Variants in TRAPPC9 observed in about 807,000 individuals in gnomAD.
The protein encoded by TRAPPC9 is IKK2 binding protein.
Under a neutral mutation model 124.0 loss-of-function variants are expected in TRAPPC9, and 83 were observed. The observed-to-expected ratio is 0.67, with a 90% CI of 0.56 to 0.80. TRAPPC9 has a LOEUF of 0.80. Among genes scored for constraint, TRAPPC9 ranks in the 30% least tolerant of loss-of-function variants. The pLI, the probability that TRAPPC9 is intolerant of heterozygous loss-of-function variation, is 0.00. For missense variants in TRAPPC9, 1,302 were observed against 1,508.3 expected (o/e 0.86, Z 2.27); for synonymous variants, 638 against 617.5 (o/e 1.03, Z -0.49).
At chr8:139,901,512 C>G (rs1265780237) in intron 20 of TRAPPC9, among the ~76,000 whole-genome samples, 3 of 152,116 alleles carry the variant, frequency 2.0e-5, no homozygotes, top group Admixed American at 2.0e-4. Flanking sequence ...CACAGTGGGA[C>G]GCGCTGCCAA....
chr8:139,933,798 C>A (rs1049246775), intron 19 of TRAPPC9: 1 of 152,188 alleles, frequency 6.6e-6, no homozygotes, highest in Non-Finnish European at 1.5e-5. Context: ...AGTTCTGGAC[C>A]GCTATGGATT....
At chr8:140,165,133 T>C (rs890100493) in intron 17 of TRAPPC9, among the ~76,000 whole-genome samples, 2 of 152,142 alleles carry the variant, frequency 1.3e-5, no homozygotes, top group Non-Finnish European at 2.9e-5. Context: ...CCCAGCACTC[T>C]GGGAGGCCGA....
chr8:140,360,864 C>T (rs994607298), intron 8 of TRAPPC9, among the ~76,000 whole-genome samples: 4 of 152,226 alleles, frequency 2.6e-5, no homozygotes, highest in South Asian at 2.1e-4. Flanking sequence ...CAGCCTCCTG[C>T]GTAGCTGGGA....
intron 17 of TRAPPC9, among the ~76,000 whole-genome samples, chr8:140,080,214 C>G (rs1843736161): frequency 6.6e-6 from 1 of 152,142 alleles, no homozygotes; most frequent in Non-Finnish European, 1.5e-5. Context: ...TGTAATAGTT[C>G]TCCCTGTAAC....
chr8:139,993,697 C>G (rs1837784860), intron 18 of TRAPPC9, among the ~76,000 whole-genome samples: 1 of 152,122 alleles, frequency 6.6e-6, no homozygotes, highest in African/African-American at 2.4e-5. Context: ...GAAACCTATG[C>G]AGAGGTGACA....
intron 9 of TRAPPC9, among the ~76,000 whole-genome samples, chr8:140,332,392 G>A (rs970876605): frequency 2.6e-5 from 4 of 152,174 alleles, no homozygotes; most frequent in Non-Finnish European, 5.9e-5. Context: ...ATAAATTCAA[G>A]TGTCCTATAG....
At chr8:140,221,873 T>C (rs1274490518) in intron 16 of TRAPPC9, among the ~76,000 whole-genome samples, 1 of 152,182 alleles carries the variant, frequency 6.6e-6, no homozygotes, top group Non-Finnish European at 1.5e-5. Context: ...TGTTTTTGTT[T>C]ATGTAGGGGA....
intron 17 of TRAPPC9, among the ~76,000 whole-genome samples, chr8:140,033,688 T>TTTTTTTTTTTG (rs1840691616): frequency 8.7e-6 from 1 of 115,080 alleles, no homozygotes; most frequent in Non-Finnish European, 1.7e-5. Flanking sequence ...TTTTTTTTTT[T>TTTTTTTTTTTG]TTTTTTTTTT....
chr8:140,057,200 G>A (rs566217270), intron 17 of TRAPPC9, among the ~76,000 whole-genome samples: 10 of 152,336 alleles, frequency 6.6e-5, no homozygotes, highest in South Asian at 2.1e-4. Context: ...GTATTAGTGA[G>A]GATGTGGAGA....
chr8:139,969,128 G>A (rs768670085), intron 19 of TRAPPC9, among the ~76,000 whole-genome samples: 7 of 152,272 alleles, frequency 4.6e-5, no homozygotes, highest in Non-Finnish European at 1.0e-4. Context: ...CAAGTGGAAA[G>A]ATGAGCGAAG....
intron 19 of TRAPPC9, among the ~76,000 whole-genome samples, chr8:139,952,689 C>T (rs907863429): frequency 9.2e-5 from 14 of 152,146 alleles, no homozygotes; most frequent in Non-Finnish European, 1.5e-4. Flanking sequence ...AGGATGGGGC[C>T]GAGGGGTGCT....
chr8:140,272,016 G>GGA (rs558259832), intron 15 of TRAPPC9, among the ~76,000 whole-genome samples: 1 of 150,692 alleles, frequency 6.6e-6, no homozygotes. Context: ...GTGGTGACGG[G>GGA]TGATGGTGGC....
intron 18 of TRAPPC9, among the ~76,000 whole-genome samples, chr8:140,019,542 C>CTTTTTTTTTTTTTTTTTTTT (rs71320340): frequency 2.3e-5 from 1 of 43,838 alleles, no homozygotes; most frequent in African/African-American, 9.2e-5. Flanking sequence ...TAATTTGTGT[C>CTTTTTTTTTTTTTTTTTTTT]TTTTTTTTTT....
intron 2 of TRAPPC9, among the ~76,000 whole-genome samples, chr8:140,442,047 G>A (rs564998453): frequency 6.6e-6 from 1 of 152,176 alleles, no homozygotes; most frequent in South Asian, 2.1e-4. Flanking sequence ...AAAAAAGAAA[G>A]GAGTAAATTA....
Position 140,104,411 on chromosome 8 carries a change from G to C in TRAPPC9, c.2557-80332C>G, listed in dbSNP as rs544077349. ...TATCATCAGGAATAAAGATGACTGA[G>C]ACCCTGCGATCTCTGAGATACTCAC... On this transcript the variant is annotated intron_variant, in intron 17 of 22. Transcript: ENST00000438773. The surrounding 1 kb of genome is among the most constrained non-coding windows in gnomAD (Gnocchi z 4.0). Among the ~76,000 whole-genome samples, 1 of 152,274 alleles carries C rather than the reference G, an allele frequency of 6.6e-6. No homozygotes were observed. Among genetic ancestry groups the C allele is most frequent in the South Asian group, 2.1e-4 (1 of 4,822 alleles).
intron 5 of TRAPPC9, among the ~76,000 whole-genome samples, chr8:140,415,123 A>T (rs756832383): frequency 6.6e-6 from 1 of 151,992 alleles, no homozygotes; most frequent in African/African-American, 2.4e-5. Context: ...AAGCAGGAGG[A>T]TCTCTTGAGC....
chr8:140,263,973 T>C (rs1251634785), intron 15 of TRAPPC9, among the ~76,000 whole-genome samples: 1 of 151,974 alleles, frequency 6.6e-6, no homozygotes, highest in East Asian at 1.9e-4. Context: ...AACTGAATCC[T>C]TTCCCCCGCT....
At chr8:140,165,244 G>A (rs1236565086) in intron 17 of TRAPPC9, among the ~76,000 whole-genome samples, 1 of 152,088 alleles carries the variant, frequency 6.6e-6, no homozygotes, top group Non-Finnish European at 1.5e-5. Context: ...GGAAGGCTGA[G>A]GCAAGAGAAT....
intron 16 of TRAPPC9, among the ~76,000 whole-genome samples, chr8:140,224,988 A>G (rs944355159): frequency 6.6e-6 from 1 of 152,200 alleles, no homozygotes; most frequent in Non-Finnish European, 1.5e-5. Flanking sequence ...ATAACCTTCT[A>G]CAAGCTTTAA....
Sources: allele counts gnomAD v4.1 joint callset (sites outside exome capture counted in the v4.1 genomes callset), GRCh38; gene constraint gnomAD v4.1.1; non-coding constraint Gnocchi (gnomAD v3.1); transcripts MANE v1.5; gene names NCBI Gene and HGNC (gene_info 2026-07-23, HGNC 2026-07-21).